The following ACTN4 variants were observed in gnomAD, a reference collection of about 807,000 sequenced individuals.
ACTN4 encodes actinin alpha 4.
In ACTN4, 18 loss-of-function variants were observed where a neutral mutation model predicts 114.2. The ratio of observed to expected loss-of-function variants is 0.16; its 90% CI spans 0.11 to 0.23. ACTN4 has a LOEUF of 0.23. Among genes scored for constraint, ACTN4 ranks in the 10% least tolerant of loss-of-function variants. ACTN4 has a pLI of 1.00. For missense variants in ACTN4, 722 were observed against 1,262.9 expected, an observed-to-expected ratio of 0.57 and a Z score of 6.49; for synonymous variants, 515 against 506.3, an observed-to-expected ratio of 1.02 and a Z score of -0.23.
chr19:38,703,083 C>A (rs1490417986), intron 3 of ACTN4, among the ~76,000 whole-genome samples: 1 of 152,130 alleles, frequency 6.6e-6, no homozygotes. Flanking sequence ...GCCCTAGGCA[C>A]GGCTGGCTGA....
chr19:38,728,324 A>G (rs1382360444), intron 19 of ACTN4: 1 of 1,492,956 alleles, frequency 6.7e-7, no homozygotes, highest in Admixed American at 2.0e-5. Flanking sequence ...AGAAGCAGAC[A>G]GGCAGCATGG....
At chr19:38,703,071 C>T (rs1250394816) in intron 3 of ACTN4, among the ~76,000 whole-genome samples, 4 of 152,100 alleles carry the variant, frequency 2.6e-5, no homozygotes, top group Admixed American at 1.3e-4. Context: ...GTTGGGAGGA[C>T]TGCCCTAGGC....
At chr19:38,728,083 CCT>C in intron 19 of ACTN4, 57 bp downstream of exon 19, 2 of 1,537,940 alleles carry the variant, frequency 1.3e-6, no homozygotes, top group South Asian at 1.2e-5. Flanking sequence ...CTCTCTCTCT[CCT>C]TCTCTCTTTC....
At chr19:38,651,385 A>G (rs1387223542) in intron 1 of ACTN4, among the ~76,000 whole-genome samples, 1 of 152,134 alleles carries the variant, frequency 6.6e-6, no homozygotes, top group Non-Finnish European at 1.5e-5. Flanking sequence ...ATGGAGAAGC[A>G]TTGTTCTGGT....
chr19:38,674,797 C>T (rs75378394), intron 1 of ACTN4, among the ~76,000 whole-genome samples: 2,146 of 152,242 alleles, frequency 0.014, 55 homozygotes, highest in African/African-American at 0.047. Context: ...GACTCAGGGC[C>T]CACAGTGCCT....
intron 1 of ACTN4, among the ~76,000 whole-genome samples, chr19:38,683,005 T>C (rs34695688): frequency 0.078 from 11,878 of 152,268 alleles, 537 homozygotes; most frequent in South Asian, 0.12. Context: ...AGACTGTAAG[T>C]TGCATGAGGG....
intron 1 of ACTN4, among the ~76,000 whole-genome samples, chr19:38,660,885 GC>G (rs748079300): frequency 2.6e-5 from 4 of 152,172 alleles, no homozygotes; most frequent in Non-Finnish European, 5.9e-5. Context: ...GGCTTTGCGA[GC>G]GGGTGGTGAG....
intron 1 of ACTN4, among the ~76,000 whole-genome samples, chr19:38,696,531 C>T (rs1010911584): frequency 2.6e-5 from 4 of 152,146 alleles, no homozygotes; most frequent in Admixed American, 6.5e-5. Context: ...GTAGAAGAAG[C>T]GATGAATTTT....
chr19:38,680,950 A>AC (rs1300758951), intron 1 of ACTN4, among the ~76,000 whole-genome samples: 3 of 151,732 alleles, frequency 2.0e-5, no homozygotes, highest in Admixed American at 2.0e-4. Context: ...ACATGGTGAA[A>AC]CCCCGTCTCT....
chr19:38,728,448 T>TCCCCCCCCCCCCCCCC, intron 19 of ACTN4: 1 of 730,356 alleles, frequency 1.4e-6, no homozygotes, highest in Non-Finnish European at 1.7e-6. Flanking sequence ...CTCCTCCTCC[T>TCCCCCCCCCCCCCCCC]CCCCCCCACC....
At position 38,730,814 on chromosome 19, in the gene ACTN4, A is replaced by C. The variant is rs1285148059; in HGVS notation, c.*1382A>C. 11 of 1,549,960 alleles carry C rather than the reference A, an allele frequency of 7.1e-6. No homozygotes were observed. The highest frequency in any genetic ancestry group is 9.6e-6 in the Non-Finnish European group (11 of 1,146,868). ...CCTAGGGAGGTGGTCTTGCTCAGCA[A>C]CCCTGCCCTGAGCAGCAGGTGCGCC... is the stretch of plus-strand genomic sequence containing the variant. On this transcript the variant is annotated 3_prime_UTR_variant, in exon 21 of 21. Transcript: ENST00000252699.
chr19:38,692,732 G>A (rs1043203465), intron 1 of ACTN4, among the ~76,000 whole-genome samples: 5 of 152,156 alleles, frequency 3.3e-5, no homozygotes, highest in African/African-American at 1.2e-4. Context: ...GGCCTACCCA[G>A]GTGATAAGCC....
intron 1 of ACTN4, among the ~76,000 whole-genome samples, chr19:38,664,493 G>T (rs1427532013): frequency 6.6e-6 from 1 of 152,100 alleles, no homozygotes; most frequent in Non-Finnish European, 1.5e-5. Flanking sequence ...CTGTAATATA[G>T]CTCAGTTCGT....
At chr19:38,704,910 C>T (rs1367352443) in intron 3 of ACTN4, 24 bp from the exon 4 acceptor site, 1 of 1,610,256 alleles carries the variant, frequency 6.2e-7, no homozygotes, top group Non-Finnish European at 8.5e-7. Context: ...ACCTTCTGCC[C>T]TCTGCCCCCT....
rs148259739 is a variant in ACTN4, at chr19:38,718,001, C to A, written c.1218C>A (p.Arg406=). Residue 406 remains arginine (R), a synonymous_variant, in exon 11 of 21, where the codon CGC becomes CGA. Transcript: ENST00000252699. ...GYEEWLLNEI[R]RLERLDHLAE... ...AGGAGTGGCTGCTGAATGAGATCCG[C>A]AGGCTGGAGCGGCTCGACCACCTGG... 5.9e-4 allele frequency: 953 copies of A among 1,609,002 alleles called. 5 individuals carry two copies. In the African/African-American group the frequency reaches 0.012, roughly 20 times the overall value.
intron 1 of ACTN4, among the ~76,000 whole-genome samples, chr19:38,689,934 C>T (rs973681262): frequency 6.6e-6 from 1 of 152,150 alleles, no homozygotes; most frequent in Non-Finnish European, 1.5e-5. Context: ...AATTGCTAAG[C>T]CTAGCTGGGG....
intron 1 of ACTN4, among the ~76,000 whole-genome samples, chr19:38,659,761 G>T (rs1280974361): frequency 6.6e-6 from 1 of 152,134 alleles, no homozygotes; most frequent in Non-Finnish European, 1.5e-5. Context: ...TTAAACATGA[G>T]ACTTCTGAGC....
In ACTN4 at chr19:38,727,855, C is replaced by T; in HGVS notation, c.2338-91C>T. The T allele has an allele frequency of 8.0e-7, 1 of 1,246,000 alleles. No homozygotes were observed. Among genetic ancestry groups the T allele is most frequent in the Non-Finnish European group, 1.2e-6 (1 of 864,400 alleles). 77.2% of individuals were successfully genotyped at this position (1,246,000 alleles called of 1,614,324 possible). A position where few individuals can be genotyped will look rare whatever the true frequency, so the allele number is the denominator to read the frequency against. ...CTGTGTTTCCCTCCCCTACGTGTCCCTTCCCCCTGCCCTCTGCATGTGACC... is the reference window on the plus strand; with the variant it reads ...CTGTGTTTCCCTCCCCTACGTGTCCTTTCCCCCTGCCCTCTGCATGTGACC... On this transcript the variant is annotated intron_variant, in intron 18 of 20. Transcript: ENST00000252699. This position sits in a 1 kb window ranked among gnomAD's most constrained non-coding sequence, Gnocchi z 5.4.
At chr19:38,694,179 T>G (rs921847329) in intron 1 of ACTN4, among the ~76,000 whole-genome samples, 3 of 151,910 alleles carry the variant, frequency 2.0e-5, no homozygotes, top group Non-Finnish European at 2.9e-5. Flanking sequence ...GCGAAGCGGG[T>G]GATCTGCTGG....
Sources: allele counts gnomAD v4.1 joint callset (sites outside exome capture counted in the v4.1 genomes callset), GRCh38; gene constraint gnomAD v4.1.1; non-coding constraint Gnocchi (gnomAD v3.1); transcripts MANE v1.5; gene names NCBI Gene and HGNC (gene_info 2026-07-23, HGNC 2026-07-21).